The following KANK1 variants were observed in gnomAD, a reference collection of about 807,000 sequenced individuals.
KANK1 encodes KN motif and ankyrin repeat domain-containing protein 1.
A neutral mutation model predicts 106.2 loss-of-function variants in KANK1; 109 were observed. That is an observed-to-expected ratio of 1.03 (90% CI 0.88 to 1.20). The LOEUF (loss-of-function observed/expected upper bound fraction) is 1.20. KANK1 is among the 50% of genes most tolerant of loss of function. KANK1 has a pLI of 0.00. For missense variants in KANK1, 2,399 were observed against 1,710.7 expected (o/e 1.40, Z -7.10); for synonymous variants, 873 against 652.2 (o/e 1.34, Z -5.16).
intron 3 of KANK1, among the ~76,000 whole-genome samples, chr9:723,480 A>T (rs1201732148): frequency 6.7e-6 from 1 of 150,270 alleles, no homozygotes; most frequent in Non-Finnish European, 1.5e-5. Context: ...TTCGTGGGGC[A>T]TGATCACAAG....
At chr9:571,734 G>A (rs1478478199) in intron 1 of KANK1, among the ~76,000 whole-genome samples, 1 of 152,198 alleles carries the variant, frequency 6.6e-6, no homozygotes, top group Non-Finnish European at 1.5e-5. Flanking sequence ...AGTCTCAGCT[G>A]AGAAGCAGAC....
intron 1 of KANK1, among the ~76,000 whole-genome samples, chr9:523,811 G>A (rs543463152): frequency 2.5e-5 from 3 of 119,612 alleles, no homozygotes; most frequent in South Asian, 2.4e-4. Context: ...AATCCGCTTG[G>A]CCTCTTCTTT....
At chr9:488,107 T>A (rs1361821394) in intron 3 of KANK1, among the ~76,000 whole-genome samples, 2 of 152,232 alleles carry the variant, frequency 1.3e-5, no homozygotes, top group Admixed American at 6.5e-5. Flanking sequence ...TCAACATGGC[T>A]ACGAACTCCA....
At chr9:604,648 A>G (rs541073163) in intron 1 of KANK1, among the ~76,000 whole-genome samples, 11 of 151,814 alleles carry the variant, frequency 7.2e-5, no homozygotes, top group Admixed American at 5.2e-4. Flanking sequence ...TCTGGCCAAC[A>G]TGGCGAAACC....
chr9:572,833 C>G (rs141349250), intron 1 of KANK1, among the ~76,000 whole-genome samples: 2 of 152,214 alleles, frequency 1.3e-5, no homozygotes, highest in Non-Finnish European at 2.9e-5. Context: ...ACATTTCCAT[C>G]TTTATATTAA....
intron 1 of KANK1, among the ~76,000 whole-genome samples, chr9:634,569 C>G (rs1158116053): frequency 1.3e-5 from 2 of 152,288 alleles, no homozygotes; most frequent in East Asian, 3.9e-4. Context: ...TCAGGCCCCT[C>G]CCATTATTCT....
chr9:707,295 C>CT (rs1156491484), intron 2 of KANK1: 1 of 938,464 alleles, frequency 1.1e-6, no homozygotes, highest in Non-Finnish European at 1.3e-6. Context: ...GGCCGAATTC[C>CT]GGGGGGCCTG....
At position 712,881 on chromosome 9, in the gene KANK1, GCAGAC is replaced by G; in HGVS notation, c.2119_2123del (p.Thr707HisfsTer41). ...ACACTTGTCTAAGCACTTTGGACAA[GCAGAC>G]CAGCACCCAGACTGTGGAGACGCGG... is the stretch of plus-strand genomic sequence containing the variant. On this transcript the variant is annotated frameshift_variant, in exon 3 of 12. Coordinates refer to ENST00000382297, the MANE Select transcript of KANK1 (RefSeq NM_015158.5). LOFTEE classifies it high-confidence loss of function. The G allele has an allele frequency of 6.2e-7, 1 of 1,613,924 alleles. No individual in the cohort carries two copies. The highest frequency in any genetic ancestry group is 8.5e-7 in the Non-Finnish European group (1 of 1,179,988).
At chr9:697,782 C>A (rs1469679104) in intron 2 of KANK1, among the ~76,000 whole-genome samples, 2 of 152,112 alleles carry the variant, frequency 1.3e-5, no homozygotes, top group African/African-American at 4.8e-5. Context: ...CTAGATTTGG[C>A]TAGTGGGGGT....
intron 1 of KANK1, among the ~76,000 whole-genome samples, chr9:601,015 GA>G (rs1330294439): frequency 6.6e-6 from 1 of 151,716 alleles, no homozygotes; most frequent in Non-Finnish European, 1.5e-5. Flanking sequence ...CAGAAGGAGG[GA>G]GATCCTTTTG....
intron 3 of KANK1, among the ~76,000 whole-genome samples, chr9:715,080 A>G (rs1006462092): frequency 5.3e-5 from 8 of 152,212 alleles, no homozygotes; most frequent in Non-Finnish European, 1.0e-4. Context: ...CTAGGTTTCC[A>G]CTTTCAAACC....
At chr9:634,458 C>G (rs1026324051) in intron 1 of KANK1, among the ~76,000 whole-genome samples, 1 of 152,120 alleles carries the variant, frequency 6.6e-6, no homozygotes, top group African/African-American at 2.4e-5. Context: ...GTGATGTTAT[C>G]TATAGGAGCA....
At chr9:729,487 A>AGAG (rs1448381004) in intron 3 of KANK1, among the ~76,000 whole-genome samples, 2 of 152,252 alleles carry the variant, frequency 1.3e-5, no homozygotes, top group Non-Finnish European at 2.9e-5. Context: ...CCAGGAAACA[A>AGAG]GAGACCCGCA....
chr9:732,339 G>T (rs1220941634), intron 5 of KANK1, 39 bp from the exon 6 acceptor site: 1 of 1,584,914 alleles, frequency 6.3e-7, no homozygotes, highest in Admixed American at 1.7e-5. Flanking sequence ...GTCTTCGTGA[G>T]CACACCTTGC....
intron 1 of KANK1, among the ~76,000 whole-genome samples, chr9:590,958 G>C (rs1016902113): frequency 6.6e-6 from 1 of 151,734 alleles, no homozygotes; most frequent in Admixed American, 6.6e-5. Flanking sequence ...ACCAGTATGC[G>C]AGAGGTCTCT....
At chr9:545,113 C>T (rs1377339126) in intron 1 of KANK1, among the ~76,000 whole-genome samples, 2 of 151,668 alleles carry the variant, frequency 1.3e-5, no homozygotes, top group African/African-American at 2.4e-5. Flanking sequence ...AACATCAAGC[C>T]CAGTGCCCAG....
chr9:623,103 C>G (rs1054195034), intron 1 of KANK1, among the ~76,000 whole-genome samples: 3 of 151,854 alleles, frequency 2.0e-5, no homozygotes. Flanking sequence ...AGGAAACAAC[C>G]AACAAAATGA....
intron 1 of KANK1, among the ~76,000 whole-genome samples, chr9:625,954 G>C (rs1834243242): frequency 6.6e-6 from 1 of 151,962 alleles, no homozygotes. Context: ...AGTCACTTCA[G>C]AAACTCCCCT....
At chr9:596,654 A>G (rs1265073779) in intron 1 of KANK1, among the ~76,000 whole-genome samples, 2 of 151,794 alleles carry the variant, frequency 1.3e-5, no homozygotes, top group Non-Finnish European at 2.9e-5. Flanking sequence ...TAAAGTAATG[A>G]AGTCCACCAT....
Sources: gnomAD v4.1 joint callset for allele counts (sites outside exome capture counted in the v4.1 genomes callset) on GRCh38, gnomAD v4.1.1 for gene constraint, MANE v1.5 for transcripts, NCBI Gene and HGNC (gene_info 2026-07-23, HGNC 2026-07-21) for gene names.